The following USP5 variants were observed in gnomAD, a reference collection of about 807,000 sequenced individuals.
USP5 encodes the protein ubiquitin carboxyl-terminal hydrolase 5.
USP5 carries 24 observed loss-of-function variants against 102.5 expected under a neutral mutation model. That is an observed-to-expected ratio of 0.23 (90% CI 0.17 to 0.33). The LOEUF is 0.33. Ranked by LOEUF, USP5 falls within the 10% of genes least tolerant of loss-of-function variation. The pLI is 1.00. For missense variants in USP5, 753 were observed against 1,122.1 expected (o/e 0.67, Z 4.70); for synonymous variants, 460 against 434.8 (o/e 1.06, Z -0.72).
chr12:6,864,820 C>G lies in USP5; in HGVS notation c.2343C>G (p.Ala781=). ...AMDISEGRSA[A]DSISESVPVG... is the part of the protein sequence containing the mutation. Reference sequence around the variant, plus strand: ...ACATCTCAGAGGGCCGCTCAGCTGCCGACTCCATCTCTGAGTCTGTGCCAG... The same window carrying G: ...ACATCTCAGAGGGCCGCTCAGCTGCGGACTCCATCTCTGAGTCTGTGCCAG... Residue 781 remains alanine, a synonymous_variant, in exon 18 of 20, where the codon GCC becomes GCG. Transcript: ENST00000229268. This position sits in a 1 kb window ranked among gnomAD's most constrained non-coding sequence, Gnocchi z 4.8. The G allele has an allele frequency of 6.2e-7, 1 of 1,614,014 alleles. No homozygotes were observed. Among genetic ancestry groups the G allele is most frequent in the Non-Finnish European group, 8.5e-7 (1 of 1,180,042 alleles).
chr12:6,865,839 T>TA (rs1944429717), intron 19 of USP5, 145 bp from the exon 20 acceptor site: 2 of 702,076 alleles, frequency 2.8e-6, no homozygotes, highest in East Asian at 5.3e-5. Context: ...GAAGCTCCCT[T>TA]AAGGCACATG....
rs371333696 is a variant in USP5 at position 6,859,456 on chromosome 12, C to G, written c.1059-14C>G. On this transcript the variant is annotated splice_polypyrimidine_tract_variant and intron_variant, in intron 8 of 19. Transcript: ENST00000229268. ...GGCCAGAGCCCCTCCAACTGTCCTT[C>G]CCTTGACTTTTAGGTATGTGGATAA... 21 of 1,613,940 alleles carry G rather than the reference C, an allele frequency of 1.3e-5. 1 individual carries two copies. The African/African-American group carries it at 2.7e-4, about 21-fold the overall frequency.
intron 8 of USP5, 101 bp from the exon 9 acceptor site, chr12:6,859,369 T>A (rs782761701): frequency 8.2e-7 from 1 of 1,213,340 alleles, no homozygotes; most frequent in African/African-American, 1.5e-5. Context: ...TCCCCACTCT[T>A]GAGGGGAGCC....
In USP5 at chr12:6,863,805, C is replaced by A; in HGVS notation, c.1955-25C>A. 6.5e-7 allele frequency: 1 copy of A among 1,546,396 alleles called. No homozygotes were observed. ...CAAACAGTGGCCCAATCAGTCGGTC[C>A]GTGTACCCACAATTCCCATTACAGC... On this transcript the variant is annotated intron_variant, in intron 15 of 19. Coordinates refer to ENST00000229268, the MANE Select transcript of USP5 (RefSeq NM_001098536.2). The surrounding 1 kb of genome is among the most constrained non-coding windows in gnomAD (Gnocchi z 4.7).
intron 18 of USP5, 62 bp from the exon 19 acceptor site, chr12:6,865,102 T>C: frequency 1.4e-6 from 2 of 1,464,678 alleles, no homozygotes; most frequent in Non-Finnish European, 1.9e-6. Context: ...TCTGGATCTT[T>C]GGGCCATCAC....
rs1201510149 is a variant in USP5 at position 6,856,209 on chromosome 12, G to A, written c.438+59G>A. On this transcript the variant is annotated intron_variant, in intron 4 of 19. Transcript: ENST00000229268. The surrounding 1 kb of genome is among the most constrained non-coding windows in gnomAD (Gnocchi z 5.6). Reference sequence around the variant, plus strand: ...GAGCAAGATGGGCCAGGGTAGTGGTGTCTTAGGCAAGCACTGACAAAGCTG... The same window carrying A: ...GAGCAAGATGGGCCAGGGTAGTGGTATCTTAGGCAAGCACTGACAAAGCTG... 3 of 1,609,658 alleles carry A rather than the reference G, an allele frequency of 1.9e-6. No homozygotes were observed. The highest frequency in any genetic ancestry group is 2.2e-5 in the East Asian group (1 of 44,804).
At chr12:6,865,135 C>T in intron 18 of USP5, 29 bp from the exon 19 acceptor site, 1 of 1,582,598 alleles carries the variant, frequency 6.3e-7, no homozygotes, top group Non-Finnish European at 8.7e-7. Flanking sequence ...CTTCTGTTTC[C>T]TTCTCTGACC....
Position 6,864,672 on chromosome 12 carries a change from G to A in USP5, c.2245-50G>A, listed in dbSNP as rs1399835196. The A allele has an allele frequency of 6.4e-7, 1 of 1,571,592 alleles. No homozygotes were observed. Among genetic ancestry groups the A allele is most frequent in the East Asian group, 2.3e-5 (1 of 44,388 alleles). On this transcript the variant is annotated intron_variant, in intron 17 of 19. Coordinates refer to ENST00000229268, the MANE Select transcript of USP5 (RefSeq NM_001098536.2). The surrounding 1 kb of genome is among the most constrained non-coding windows in gnomAD (Gnocchi z 4.8). ...CCACTGCACTCCAGCCTGGGCGACA[G>A]AGCAAGACTCCGTCTCAAGAAAAAA...
chr12:6,865,326 G>A (rs1944409141), intron 19 of USP5, 78 bp downstream of exon 19: 1 of 1,348,664 alleles, frequency 7.4e-7, no homozygotes, highest in Non-Finnish European at 1.1e-6. Context: ...CCTTGGGATA[G>A]CTATGGGAGA....
rs2071064 is a variant in USP5 at position 6,866,342 on chromosome 12, C to T, written c.*265C>T. On this transcript the variant is annotated 3_prime_UTR_variant, in exon 20 of 20. Transcript: ENST00000229268. This position sits in a 1 kb window ranked among gnomAD's most constrained non-coding sequence, Gnocchi z 4.7. ...TTGTTGCTTCCCCTGCCCCCGGAAT[C>T]CACAGTGCTCTGCTTCTCTGTGTCG... The T allele has an allele frequency of 0.069, 32,315 of 466,888 alleles. 2,209 individuals carry two copies. Among genetic ancestry groups the T allele is most frequent in the East Asian group, 0.31 (8,919 of 28,700 alleles). The allele number at this position is 466,888 out of a possible 1,614,324, so 28.9% of individuals were successfully genotyped here. A position where few individuals can be genotyped will look rare whatever the true frequency, so the allele number is the denominator to read the frequency against.
chr12:6,852,866 C>G (rs1429643690), intron 1 of USP5, among the ~76,000 whole-genome samples: 1 of 152,164 alleles, frequency 6.6e-6, no homozygotes, highest in Non-Finnish European at 1.5e-5. Flanking sequence ...GAGGAAAGCT[C>G]TAGTCGTTTC....
Position 6,855,367 on chromosome 12 carries a change from C to G in USP5, c.112-34C>G, listed in dbSNP as rs1555127873. ...CTCACCTGACCAGGCTTCATAACAT[C>G]CTCGTGTTTTCACCCTTACCTCTTG... On this transcript the variant is annotated intron_variant, in intron 1 of 19. Transcript: ENST00000229268. The surrounding 1 kb of genome is among the most constrained non-coding windows in gnomAD (Gnocchi z 4.6). 3.1e-6 allele frequency: 5 copies of G among 1,610,486 alleles called. No homozygotes were observed. In the Admixed American group the frequency reaches 8.5e-5, roughly 27 times the overall value.
rs782820849 is a variant in USP5, at chr12:6,854,591, TAA to T, written c.112-791_112-790del. On this transcript the variant is annotated intron_variant, in intron 1 of 19. Coordinates refer to ENST00000229268, the MANE Select transcript of USP5 (RefSeq NM_001098536.2). ...AAGCAACATAGCGAGACCCCACCTC[TAA>T]AAAAAAAAAAAAAAAAAATCTAGGC... 2.5e-3 allele frequency among the ~76,000 whole-genome samples: 295 copies of T among 118,336 alleles called. 1 individual carries two copies. The highest frequency in any genetic ancestry group is 9.3e-3 in the Middle Eastern group (2 of 216). 77.6% of individuals were successfully genotyped at this position (118,336 alleles called of 152,430 possible).
chr12:6,857,689 C>T lies in USP5; in HGVS notation c.830C>T (p.Ser277Phe). The T allele has an allele frequency of 6.2e-7, 1 of 1,614,146 alleles. No homozygotes were observed. Among genetic ancestry groups the T allele is most frequent in the Non-Finnish European group, 8.5e-7 (1 of 1,180,036 alleles). The change falls in exon 7 of 20, where the codon TCC (serine) becomes TTC (phenylalanine). Residue 277 changes from serine (S) to phenylalanine (F), a missense_variant. By Grantham distance (155) the Ser-to-Phe change is radical (BLOSUM62 -2). Around this residue, in one of 3 missense-constraint regions of USP5, gnomAD observed 527 missense variants for 816.5 expected, o/e 0.65. Coordinates refer to ENST00000229268, the MANE Select transcript of USP5 (RefSeq NM_001098536.2). ...VLDPSLAEHL[S>F]HFGIDMLKMQ... ...GACCCCAGCCTGGCTGAGCACCTGT[C>T]CCACTTCGGCATCGACATGCTGAAG...
Position 6,856,307 on chromosome 12 carries a change from G to C in USP5, c.441G>C (p.Val147=). Residue 147 remains valine (V), a splice_region_variant and synonymous_variant, in exon 5 of 20, where the codon GTG becomes GTC. Coordinates refer to ENST00000229268, the MANE Select transcript of USP5 (RefSeq NM_001098536.2). The surrounding 1 kb of genome is among the most constrained non-coding windows in gnomAD (Gnocchi z 5.6). ...GGLPDIVRDR[V]TSAVEALLSA... is the part of the protein sequence containing the mutation. ...CTCTGACCCTCTGCTTCCCCCAGGTGACCAGTGCAGTGGAGGCCCTACTGT... is the reference window on the plus strand; with the variant it reads ...CTCTGACCCTCTGCTTCCCCCAGGTCACCAGTGCAGTGGAGGCCCTACTGT... 1 of 1,612,476 alleles carries C rather than the reference G, an allele frequency of 6.2e-7. No individual in the cohort carries two copies. The highest frequency in any genetic ancestry group is 8.5e-7 in the Non-Finnish European group (1 of 1,179,104).
Position 6,864,006 on chromosome 12 carries a change from G to C in USP5, c.2098+33G>C. On this transcript the variant is annotated intron_variant, in intron 16 of 19. Transcript: ENST00000229268. The surrounding 1 kb of genome is among the most constrained non-coding windows in gnomAD (Gnocchi z 4.8). The stretch of plus-strand genomic sequence containing the variant: ...GGGGTGGGGAGCAGGGTGGGGCAGG[G>C]CCTCCATCCTCCCCCAAACACATCA... The C allele has an allele frequency of 2.5e-6, 4 of 1,580,574 alleles. No individual in the cohort carries two copies. Among genetic ancestry groups the C allele is most frequent in the Non-Finnish European group, 3.5e-6 (4 of 1,158,068 alleles).
At chr12:6,857,794 C>A in intron 7 of USP5, 71 bp downstream of exon 7, 2 of 1,496,260 alleles carry the variant, frequency 1.3e-6, no homozygotes, top group Non-Finnish European at 1.9e-6. Context: ...TTGCCTGAGG[C>A]TGAGGTAGGG....
intron 9 of USP5, among the ~76,000 whole-genome samples, 182 bp downstream of exon 9, chr12:6,859,723 G>A (rs1205087507): frequency 6.6e-6 from 1 of 152,102 alleles, no homozygotes; most frequent in Non-Finnish European, 1.5e-5. Context: ...CGCGATCTCG[G>A]CTCACTACAA....
Position 6,861,440 on chromosome 12 carries a change from C to T in USP5, c.1499-3C>T. The T allele has an allele frequency of 6.4e-7, 1 of 1,565,216 alleles. No individual in the cohort carries two copies. The highest frequency in any genetic ancestry group is 8.7e-7 in the Non-Finnish European group (1 of 1,148,570). ...AGGATCCACCAACCCATTCTGTCAC[C>T]AGAGGAGCTTCTGGAGTACGAGGAG... On this transcript the variant is annotated splice_region_variant and splice_polypyrimidine_tract_variant and intron_variant, in intron 12 of 19. Transcript: ENST00000229268. The surrounding 1 kb of genome is among the most constrained non-coding windows in gnomAD (Gnocchi z 4.9).
Sources: allele counts gnomAD v4.1 joint callset (sites outside exome capture counted in the v4.1 genomes callset), GRCh38; gene constraint gnomAD v4.1.1; regional missense constraint gnomAD v4.1.1; non-coding constraint Gnocchi (gnomAD v3.1); transcripts MANE v1.5; gene names NCBI Gene and HGNC (gene_info 2026-07-23, HGNC 2026-07-21).